The following ACSS3 variants were observed in gnomAD, a reference collection of about 807,000 sequenced individuals.
The protein encoded by ACSS3 is acyl-CoA synthetase short chain family member 3.
In ACSS3, 64 loss-of-function variants were observed where a neutral mutation model predicts 84.2. The ratio of observed to expected loss-of-function variants is 0.76; its 90% CI spans 0.62 to 0.94. ACSS3 has a LOEUF of 0.94. Ranked by LOEUF, ACSS3 falls within the 40% of genes least tolerant of loss-of-function variation. The pLI is 0.00. For missense variants in ACSS3, 815 were observed against 867.6 expected (o/e 0.94, Z 0.76); for synonymous variants, 317 against 310.1 (o/e 1.02, Z -0.23).
chr12:81,154,453 T>C (rs544479655), intron 7 of ACSS3, among the ~76,000 whole-genome samples: 2 of 152,340 alleles, frequency 1.3e-5, no homozygotes, highest in South Asian at 4.1e-4. Flanking sequence ...TGAAGTAAGC[T>C]ACTATTTAAA....
chr12:81,079,192 GAATTATAAGA>G (rs1455947880), intron 1 of ACSS3, among the ~76,000 whole-genome samples: 1 of 152,146 alleles, frequency 6.6e-6, no homozygotes, highest in Non-Finnish European at 1.5e-5. Context: ...CCTGGAGTTG[GAATTATAAGA>G]AGTTATAAGC....
intron 1 of ACSS3, among the ~76,000 whole-genome samples, chr12:81,101,963 A>T (rs968128461): frequency 6.6e-6 from 1 of 151,932 alleles, no homozygotes; most frequent in African/African-American, 2.4e-5. Context: ...AATATTGCAA[A>T]TATGTCTTTC....
At chr12:81,212,109 C>T (rs2032616274) in intron 9 of ACSS3, among the ~76,000 whole-genome samples, 1 of 152,194 alleles carries the variant, frequency 6.6e-6, no homozygotes, top group African/African-American at 2.4e-5. Flanking sequence ...TGAAAACCCT[C>T]TCCATGACAT....
chr12:81,118,507 C>T (rs1884254785), intron 2 of ACSS3, among the ~76,000 whole-genome samples: 1 of 152,130 alleles, frequency 6.6e-6, no homozygotes, highest in Non-Finnish European at 1.5e-5. Flanking sequence ...TCCCATTTGG[C>T]CATCAGCTGC....
chr12:81,212,245 G>A (rs748002285), intron 9 of ACSS3, among the ~76,000 whole-genome samples: 20 of 152,244 alleles, frequency 1.3e-4, no homozygotes, highest in East Asian at 3.9e-4. Flanking sequence ...GTCTCCATGC[G>A]GGTAGAAATT....
At chr12:81,179,271 C>CAAAAAAAAAAAAAAAAAAAAAAAAA (rs71098127) in intron 8 of ACSS3, among the ~76,000 whole-genome samples, 1 of 66,780 alleles carries the variant, frequency 1.5e-5, no homozygotes, top group Admixed American at 1.9e-4. Context: ...AAGTAATTGC[C>CAAAAAAAAAAAAAAAAAAAAAAAAA]AAAAAAAAAA....
intron 13 of ACSS3, among the ~76,000 whole-genome samples, chr12:81,253,017 A>C (rs563054910): frequency 6.6e-6 from 1 of 152,306 alleles, no homozygotes; most frequent in East Asian, 1.9e-4. Flanking sequence ...AAACTGAGAC[A>C]AAGAAACCAT....
chr12:81,239,542 CAGA>C (rs1308617530), intron 13 of ACSS3, among the ~76,000 whole-genome samples: 3 of 151,890 alleles, frequency 2.0e-5, no homozygotes, highest in Non-Finnish European at 4.4e-5. Context: ...ACAATCATGG[CAGA>C]AGGAGAATGA....
rs1565749412 is a variant in ACSS3 at position 81,256,709 on chromosome 12, T to G, written c.*1787T>G. ...CTTATATAAAAAAATTCTGAAAATGTTGACTTTTTTTGGACTGAAGACTGC... is the reference window on the plus strand; with the variant it reads ...CTTATATAAAAAAATTCTGAAAATGGTGACTTTTTTTGGACTGAAGACTGC... On this transcript the variant is annotated 3_prime_UTR_variant, in exon 16 of 16. Coordinates refer to ENST00000548058, the MANE Select transcript of ACSS3 (RefSeq NM_024560.4). 1 of 152,186 alleles carries G rather than the reference T, an allele frequency of 6.6e-6. No individual in the cohort carries two copies. The allele number at this position is 152,186 out of a possible 1,614,324, so 9.4% of individuals were successfully genotyped here. A position where few individuals can be genotyped will look rare whatever the true frequency, so the allele number is the denominator to read the frequency against.
chr12:81,136,763 C>CTAAA (rs1885824193), intron 3 of ACSS3, among the ~76,000 whole-genome samples: 1 of 152,020 alleles, frequency 6.6e-6, no homozygotes. Flanking sequence ...TTTGAACAGG[C>CTAAA]AAGTGTCATG....
chr12:81,103,368 T>G lies in ACSS3; in HGVS notation c.312-6192T>G, dbSNP rs146318833. Among the ~76,000 whole-genome samples the G allele has an allele frequency of 3.9e-5, 6 of 152,282 alleles. No homozygotes were observed. In the East Asian group the frequency reaches 1.2e-3, roughly 29 times the overall value. ...AACCATTTAAAACCTGCCCACGAAT[T>G]TAGAAGGAACAGTAGAGAGTCAGCA... On this transcript the variant is annotated intron_variant, in intron 1 of 15. Coordinates refer to ENST00000548058, the MANE Select transcript of ACSS3 (RefSeq NM_024560.4).
chr12:81,192,163 C>T (rs920780169), intron 8 of ACSS3, among the ~76,000 whole-genome samples: 6 of 151,900 alleles, frequency 3.9e-5, no homozygotes, highest in African/African-American at 9.7e-5. Flanking sequence ...GGGTGGATCA[C>T]GAGGTCAGGA....
chr12:81,248,374 T>C (rs1360633648), intron 13 of ACSS3, among the ~76,000 whole-genome samples: 5 of 152,076 alleles, frequency 3.3e-5, no homozygotes, highest in Admixed American at 3.3e-4. Context: ...TACTTGGCCA[T>C]AAAGAAATAA....
At chr12:81,105,404 A>C (rs1176227603) in intron 1 of ACSS3, among the ~76,000 whole-genome samples, 3 of 152,226 alleles carry the variant, frequency 2.0e-5, no homozygotes. Context: ...GAAAAGAATC[A>C]ATTGAACTGG....
intron 7 of ACSS3, among the ~76,000 whole-genome samples, chr12:81,169,070 T>G (rs1887534778): frequency 6.6e-6 from 1 of 152,180 alleles, no homozygotes; most frequent in Non-Finnish European, 1.5e-5. Context: ...AGACATTGGT[T>G]TCATTCAAAA....
At chr12:81,089,688 C>T (rs532613265) in intron 1 of ACSS3, among the ~76,000 whole-genome samples, 1 of 151,828 alleles carries the variant, frequency 6.6e-6, no homozygotes, top group Non-Finnish European at 1.5e-5. Flanking sequence ...GATGTATTAT[C>T]GTCAATAATG....
intron 1 of ACSS3, among the ~76,000 whole-genome samples, chr12:81,083,128 G>A (rs991688760): frequency 4.9e-4 from 75 of 152,188 alleles, no homozygotes; most frequent in Non-Finnish European, 3.1e-4. Context: ...CTGGCTTTTA[G>A]TGGCTTGTCT....
Position 81,109,600 on chromosome 12 carries a change from G to GT in ACSS3, c.352_353insT (p.Asp118ValfsTer5). The GT allele has an allele frequency of 3.1e-6, 5 of 1,612,380 alleles. No individual in the cohort carries two copies. The highest frequency in any genetic ancestry group is 4.2e-6 in the Non-Finnish European group (5 of 1,179,214). On this transcript the variant is annotated frameshift_variant, in exon 2 of 16. Transcript: ENST00000548058. LOFTEE classifies it high-confidence loss of function. ...GCTTAACATTTGTTACAATGCCGTTGATCGTCATATTGAAAATGGTAAAGG... is the reference window on the plus strand; with the variant it reads ...GCTTAACATTTGTTACAATGCCGTTGTATCGTCATATTGAAAATGGTAAAGG...
chr12:81,104,100 A>T lies in ACSS3; in HGVS notation c.312-5460A>T, dbSNP rs951994579. ...TACAATAAAAAACCTAGGATGTTGT[A>T]TATCAAACACACATAAGAAGACTGA... On this transcript the variant is annotated intron_variant, in intron 1 of 15. Transcript: ENST00000548058. Among the ~76,000 whole-genome samples the T allele has an allele frequency of 1.1e-4, 16 of 152,334 alleles. 1 individual carries two copies. In the South Asian group the frequency reaches 3.1e-3, roughly 30 times the overall value.
Sources: gnomAD v4.1 joint callset for allele counts (sites outside exome capture counted in the v4.1 genomes callset) on GRCh38, gnomAD v4.1.1 for gene constraint, MANE v1.5 for transcripts, NCBI Gene and HGNC (gene_info 2026-07-23, HGNC 2026-07-21) for gene names.